The following ZNF33A variants were observed in gnomAD, a reference collection of about 807,000 sequenced individuals.
ZNF33A encodes zinc finger protein 33A, also known as brain my041 protein.
Under a neutral mutation model 15.9 loss-of-function variants are expected in ZNF33A, and 9 were observed. The ratio of observed to expected loss-of-function variants is 0.57; its 90% CI spans 0.34 to 0.99. ZNF33A has a LOEUF of 0.99. Among genes scored for constraint, ZNF33A ranks in the 50% least tolerant of loss-of-function variants. ZNF33A has a pLI of 0.02. For synonymous variants in ZNF33A, 294 were observed against 324.2 expected, an observed-to-expected ratio of 0.91 and a Z score of 1.00; for missense variants, 843 against 941.6, an observed-to-expected ratio of 0.90 and a Z score of 1.37.
chr10:38,012,425 G>GTTTTTTTTTTTT (rs10716292), intron 2 of ZNF33A, 75 bp downstream of exon 2: 26 of 529,786 alleles, frequency 4.9e-5, no homozygotes, highest in Admixed American at 1.0e-4. Flanking sequence ...TATGGTGTTT[G>GTTTTTTTTTTTT]TTTTTTTTTT....
intron 4 of ZNF33A, among the ~76,000 whole-genome samples, chr10:38,037,726 CAT>C (rs1772029881): frequency 6.6e-6 from 1 of 152,162 alleles, no homozygotes; most frequent in African/African-American, 2.4e-5. Context: ...AATTTTATTT[CAT>C]ATGTTTTCCT....
rs1478008955 is a variant in ZNF33A at position 38,029,425 on chromosome 10, T to C, written c.250+12039T>C. Among the ~76,000 whole-genome samples, 3 of 152,342 alleles carry C rather than the reference T, an allele frequency of 2.0e-5. No individual in the cohort carries two copies. In the East Asian group the frequency reaches 5.8e-4, roughly 29 times the overall value. The stretch of plus-strand genomic sequence containing the variant: ...CTAAGGAGATATCAGCTCCTAATAT[T>C]AATGAGGATCTCTTGTAAAGTAAAA... On this transcript the variant is annotated intron_variant, in intron 4 of 4. Transcript: ENST00000432900.
intron 4 of ZNF33A, among the ~76,000 whole-genome samples, chr10:38,049,265 T>G (rs1279494073): frequency 6.6e-6 from 1 of 152,142 alleles, no homozygotes; most frequent in Non-Finnish European, 1.5e-5. Context: ...AATTTACATA[T>G]AGGAAATTTA....
chr10:38,024,163 C>CAAAAAAAAA (rs71007682), intron 4 of ZNF33A, among the ~76,000 whole-genome samples: 524 of 93,110 alleles, frequency 5.6e-3, no homozygotes, highest in African/African-American at 9.4e-3. Flanking sequence ...AAAAACAAAA[C>CAAAAAAAAA]AAAAAAAAAA....
At chr10:38,051,320 TA>T (rs2066193362) in intron 4 of ZNF33A, among the ~76,000 whole-genome samples, 1 of 152,188 alleles carries the variant, frequency 6.6e-6, no homozygotes, top group Non-Finnish European at 1.5e-5. Context: ...TGTATTTTTT[TA>T]ACTTTTATTG....
chr10:38,047,412 G>A (rs1305568854), intron 4 of ZNF33A, among the ~76,000 whole-genome samples: 2 of 151,508 alleles, frequency 1.3e-5, no homozygotes, highest in East Asian at 3.9e-4. Flanking sequence ...TGTGGATCAC[G>A]AGGTCAAGAG....
At chr10:38,026,384 G>T (rs1481637216) in intron 4 of ZNF33A, among the ~76,000 whole-genome samples, 1 of 152,190 alleles carries the variant, frequency 6.6e-6, no homozygotes, top group African/African-American at 2.4e-5. Context: ...GCCCAGACTG[G>T]AGTGCAGTGG....
At chr10:38,041,299 ACT>A (rs1382085757) in intron 4 of ZNF33A, among the ~76,000 whole-genome samples, 2 of 140,538 alleles carry the variant, frequency 1.4e-5, no homozygotes, top group Admixed American at 7.7e-5. Flanking sequence ...CTCTCATTCC[ACT>A]CTCTATGATT....
downstream of ZNF33A, among the ~76,000 whole-genome samples, chr10:38,062,453 C>T (rs192327471): frequency 1.3e-5 from 2 of 152,308 alleles, no homozygotes; most frequent in South Asian, 2.1e-4. Context: ...AAACTCAACA[C>T]CTAACGGCAT....
chr10:38,066,548 A>T (rs2066711279), downstream of ZNF33A, among the ~76,000 whole-genome samples: 1 of 149,482 alleles, frequency 6.7e-6, no homozygotes, highest in Non-Finnish European at 1.5e-5. Flanking sequence ...CACCGCACCC[A>T]GCCGGTTTTA....
intron 4 of ZNF33A, among the ~76,000 whole-genome samples, chr10:38,046,318 A>C (rs191936348): frequency 6.6e-6 from 1 of 152,358 alleles, no homozygotes; most frequent in East Asian, 1.9e-4. Flanking sequence ...CAAAGGGAAC[A>C]GTACACAATA....
intron 4 of ZNF33A, among the ~76,000 whole-genome samples, chr10:38,048,683 A>C (rs1304121898): frequency 6.6e-6 from 1 of 152,146 alleles, no homozygotes; most frequent in Non-Finnish European, 1.5e-5. Flanking sequence ...AGTGATAAAG[A>C]TTTTTTTCAT....
chr10:38,045,170 C>T (rs1177191473), intron 4 of ZNF33A, among the ~76,000 whole-genome samples: 9 of 152,194 alleles, frequency 5.9e-5, no homozygotes, highest in African/African-American at 2.2e-4. Flanking sequence ...CCTCTATTCT[C>T]TCTAGGGCTT....
chr10:38,034,982 T>C (rs867506294), intron 4 of ZNF33A, among the ~76,000 whole-genome samples: 2 of 152,082 alleles, frequency 1.3e-5, no homozygotes, highest in African/African-American at 4.8e-5. Flanking sequence ...TAAACATGTG[T>C]TTATACTTAT....
At chr10:38,010,983 C>T (rs551414488) in intron 1 of ZNF33A, among the ~76,000 whole-genome samples, 200 bp downstream of exon 1, 2 of 152,170 alleles carry the variant, frequency 1.3e-5, no homozygotes, top group South Asian at 4.1e-4. Flanking sequence ...GAGCAGGGTA[C>T]GCAGCGTGTG....
At chr10:38,048,714 C>T (rs1208076449) in intron 4 of ZNF33A, among the ~76,000 whole-genome samples, 3 of 151,946 alleles carry the variant, frequency 2.0e-5, no homozygotes, top group Non-Finnish European at 2.9e-5. Context: ...ATCCATTCAT[C>T]GAGAGGATTT....
chr10:38,062,055 T>C (rs1385858086), downstream of ZNF33A, among the ~76,000 whole-genome samples: 2 of 152,090 alleles, frequency 1.3e-5, no homozygotes, highest in Admixed American at 6.6e-5. Flanking sequence ...TCATGAGAGC[T>C]CTACCTCATG....
chr10:38,019,147 C>T (rs2064611360), intron 4 of ZNF33A, among the ~76,000 whole-genome samples: 1 of 151,752 alleles, frequency 6.6e-6, no homozygotes, highest in Non-Finnish European at 1.5e-5. Flanking sequence ...CCCCCCACCC[C>T]GTAACAGTCC....
chr10:38,057,774 G>C lies in ZNF33A; in HGVS notation c.*1214G>C, dbSNP rs372760416. On this transcript the variant is annotated 3_prime_UTR_variant, in exon 5 of 5. Coordinates refer to ENST00000432900, the MANE Select transcript of ZNF33A (RefSeq NM_006954.2). ...GAACATTCCAGCCTTCAGCATAAGTGGTAGTCCAAATTTTCTTTAAGCAGC... is the reference window on the plus strand; with the variant it reads ...GAACATTCCAGCCTTCAGCATAAGTCGTAGTCCAAATTTTCTTTAAGCAGC... 6 of 985,476 alleles carry C rather than the reference G, an allele frequency of 6.1e-6. No individual in the cohort carries two copies. The East Asian group carries it at 5.7e-4, about 93-fold the overall frequency. 61.0% of individuals were successfully genotyped at this position (985,476 alleles called of 1,614,324 possible).
Sources: allele counts gnomAD v4.1 joint callset (sites outside exome capture counted in the v4.1 genomes callset), GRCh38; gene constraint gnomAD v4.1.1; transcripts MANE v1.5; gene names NCBI Gene and HGNC (gene_info 2026-07-23, HGNC 2026-07-21).